The following LRRN1 variants were observed in gnomAD, a reference collection of about 807,000 sequenced individuals.
LRRN1 encodes leucine-rich repeat neuronal protein 1.
In LRRN1, 14 loss-of-function variants were observed where a neutral mutation model predicts 45.8. The observed-to-expected ratio is 0.31, with a 90% CI of 0.20 to 0.48. The LOEUF is 0.48. Among genes scored for constraint, LRRN1 ranks in the 20% least tolerant of loss-of-function variants. LRRN1 has a pLI of 0.99. For synonymous variants in LRRN1, 359 were observed against 330.1 expected, an observed-to-expected ratio of 1.09 and a Z score of -0.95; for missense variants, 789 against 874.2, an observed-to-expected ratio of 0.90 and a Z score of 1.23.
chr3:3,806,208 A>C (rs1227514041), intron 1 of LRRN1, among the ~76,000 whole-genome samples: 1 of 152,192 alleles, frequency 6.6e-6, no homozygotes, highest in Non-Finnish European at 1.5e-5. Flanking sequence ...CAGTAGTCGC[A>C]AGGATCCTGC....
At chr3:3,836,618 C>T (rs527679527) in intron 1 of LRRN1, among the ~76,000 whole-genome samples, 13 of 152,068 alleles carry the variant, frequency 8.5e-5, no homozygotes, top group African/African-American at 3.1e-4. Flanking sequence ...CACAAGATCA[C>T]GGCCTGTGCT....
At chr3:3,820,690 C>T (rs1248178835) in intron 1 of LRRN1, among the ~76,000 whole-genome samples, 2 of 152,132 alleles carry the variant, frequency 1.3e-5, no homozygotes. Context: ...GCAGGTATAG[C>T]GAGAGAAATG....
intron 1 of LRRN1, among the ~76,000 whole-genome samples, chr3:3,813,934 C>T (rs1225398742): frequency 6.6e-6 from 1 of 152,024 alleles, no homozygotes; most frequent in African/African-American, 2.4e-5. Context: ...CCATTGCTGG[C>T]CCTTATCTTG....
intron 1 of LRRN1, among the ~76,000 whole-genome samples, chr3:3,843,038 G>T (rs1055512135): frequency 6.6e-6 from 1 of 152,152 alleles, no homozygotes; most frequent in Non-Finnish European, 1.5e-5. Context: ...AACTAAAATG[G>T]ATTAGAGATA....
chr3:3,823,205 G>T (rs939675162), intron 1 of LRRN1, among the ~76,000 whole-genome samples: 5 of 152,130 alleles, frequency 3.3e-5, no homozygotes, highest in Non-Finnish European at 5.9e-5. Flanking sequence ...AAAATTGGGG[G>T]TTTTTGGGAT....
chr3:3,835,500 C>G (rs1693489401), intron 1 of LRRN1, among the ~76,000 whole-genome samples: 2 of 151,598 alleles, frequency 1.3e-5, no homozygotes, highest in African/African-American at 4.9e-5. Context: ...AGTGACACAT[C>G]TAGTAAGTGG....
In LRRN1 at chr3:3,848,766, G is replaced by T. The variant is rs770129930; in HGVS notation, c.*1974G>T. 6.6e-6 allele frequency among the ~76,000 whole-genome samples: 1 copy of T among 152,140 alleles called. No homozygotes were observed. Among genetic ancestry groups the T allele is most frequent in the Non-Finnish European group, 1.5e-5 (1 of 68,046 alleles). Reference sequence around the variant, plus strand: ...CAGTTCGGACTCCTGCCAGTTCAGCGCTCTGCACTCCATTGATTGTTCTAG... The same window carrying T: ...CAGTTCGGACTCCTGCCAGTTCAGCTCTCTGCACTCCATTGATTGTTCTAG... On this transcript the variant is annotated 3_prime_UTR_variant, in exon 2 of 2. Transcript: ENST00000319331.
At chr3:3,807,017 C>T (rs1287453486) in intron 1 of LRRN1, among the ~76,000 whole-genome samples, 4 of 152,112 alleles carry the variant, frequency 2.6e-5, no homozygotes, top group African/African-American at 4.8e-5. Context: ...CTTCCTAGAC[C>T]GTGGAGTCCT....
intron 1 of LRRN1, among the ~76,000 whole-genome samples, chr3:3,805,683 A>G (rs1692736195): frequency 6.6e-6 from 1 of 152,198 alleles, no homozygotes; most frequent in South Asian, 2.1e-4. Flanking sequence ...CCCTAATCCC[A>G]TAGCTAAGAG....
At chr3:3,826,523 C>T (rs1693219443) in intron 1 of LRRN1, among the ~76,000 whole-genome samples, 1 of 152,052 alleles carries the variant, frequency 6.6e-6, no homozygotes, top group Non-Finnish European at 1.5e-5. Flanking sequence ...ATAATGTGGG[C>T]TTTTAGGAAC....
At chr3:3,827,145 G>A (rs907826186) in intron 1 of LRRN1, 1 of 188,090 alleles carries the variant, frequency 5.3e-6, no homozygotes, top group Non-Finnish European at 1.1e-5. Context: ...ACATTTAACA[G>A]TTCATTCTAA....
intron 1 of LRRN1, among the ~76,000 whole-genome samples, chr3:3,828,752 A>C (rs1416882592): frequency 1.3e-5 from 2 of 152,198 alleles, no homozygotes; most frequent in Non-Finnish European, 2.9e-5. Context: ...AATAAATCTT[A>C]TGTCACATGA....
chr3:3,828,421 G>A (rs1034896648), intron 1 of LRRN1, among the ~76,000 whole-genome samples: 6 of 151,520 alleles, frequency 4.0e-5, no homozygotes, highest in South Asian at 2.1e-4. Flanking sequence ...TGATTAGATC[G>A]TGCCCACCAG....
chr3:3,845,310 A>G lies in LRRN1; in HGVS notation c.669A>G (p.Ala223=). ...CAAATTTGAGAAGCTTAGTTTTGGC[A>G]GGAATGTATCTCACTGATATTCCTG... ...PLANLRSLVL[A]GMYLTDIPGN... is the part of the protein sequence containing the mutation. Residue 223 remains alanine, a synonymous_variant, in exon 2 of 2, where the codon GCA becomes GCG. Coordinates refer to ENST00000319331, the MANE Select transcript of LRRN1 (RefSeq NM_020873.7). This position sits in a 1 kb window ranked among gnomAD's most constrained non-coding sequence, Gnocchi z 6.5. The G allele has an allele frequency of 1.9e-6, 3 of 1,614,140 alleles. No individual in the cohort carries two copies. Among genetic ancestry groups the G allele is most frequent in the Non-Finnish European group, 2.5e-6 (3 of 1,180,024 alleles).
At chr3:3,806,175 G>A (rs115101039) in intron 1 of LRRN1, among the ~76,000 whole-genome samples, 1,937 of 152,236 alleles carry the variant, frequency 0.013, 44 homozygotes, top group African/African-American at 0.043. Context: ...GCCCCACGAC[G>A]GAGAATTATC....
chr3:3,823,396 T>TA (rs547005197), intron 1 of LRRN1, among the ~76,000 whole-genome samples: 3,075 of 145,794 alleles, frequency 0.021, 111 homozygotes, highest in African/African-American at 0.072. Flanking sequence ...GGATGTTGTT[T>TA]AAAAAAAAAA....
At chr3:3,834,941 C>T (rs575494016) in intron 1 of LRRN1, among the ~76,000 whole-genome samples, 22 of 152,200 alleles carry the variant, frequency 1.4e-4, no homozygotes, top group African/African-American at 4.8e-4. Context: ...CAGACACAAC[C>T]GGGGTTAATG....
rs116779273 is a variant in LRRN1, at chr3:3,849,131, C to A, written c.*2339C>A. ...ACTGATGCATTAGACCCTCAGCAGC[C>A]TGCAATTGCAAATCTGCGAGGTTTC... is the stretch of plus-strand genomic sequence containing the variant. On this transcript the variant is annotated 3_prime_UTR_variant, in exon 2 of 2. Transcript: ENST00000319331. Among the ~76,000 whole-genome samples, 968 of 152,264 alleles carry A rather than the reference C, an allele frequency of 6.4e-3. 11 individuals are homozygous for A. The highest frequency in any genetic ancestry group is 0.023 in the African/African-American group (942 of 41,534).
intron 1 of LRRN1, among the ~76,000 whole-genome samples, chr3:3,834,663 A>G (rs1246532594): frequency 6.7e-6 from 1 of 149,922 alleles, no homozygotes; most frequent in Non-Finnish European, 1.5e-5. Context: ...ACAAGGTCCC[A>G]CAATAGGCTA....
Sources: gnomAD v4.1 joint callset for allele counts (sites outside exome capture counted in the v4.1 genomes callset) on GRCh38, gnomAD v4.1.1 for gene constraint, Gnocchi (gnomAD v3.1) non-coding constraint, MANE v1.5 for transcripts, NCBI Gene and HGNC (gene_info 2026-07-23, HGNC 2026-07-21) for gene names.